Variants in EEF2K observed in about 807,000 individuals in gnomAD.
The protein encoded by EEF2K is alternative protein EEF2K.
In EEF2K, 70 loss-of-function variants were observed where a neutral mutation model predicts 93.8. That is an observed-to-expected ratio of 0.75 (90% CI 0.62 to 0.91). EEF2K has a LOEUF of 0.91. EEF2K is among the 40% of genes least tolerant of loss of function. The probability of loss-of-function intolerance (pLI) is 0.00; values close to 1 mark genes in which losing one functional copy is unlikely to be tolerated. For missense variants in EEF2K, 935 were observed against 972.9 expected, an observed-to-expected ratio of 0.96 and a Z score of 0.52; for synonymous variants, 376 against 380.8, an observed-to-expected ratio of 0.99 and a Z score of 0.15.
At chr16:22,278,444 A>C (rs908431944) in intron 16 of EEF2K, among the ~76,000 whole-genome samples, 7 of 152,140 alleles carry the variant, frequency 4.6e-5, no homozygotes, top group Admixed American at 1.3e-4. Context: ...TGGAGGAAGA[A>C]TCTTCCAAGG....
In EEF2K at chr16:22,284,728, G is replaced by C. The variant is rs1304322967; in HGVS notation, c.*732G>C. On this transcript the variant is annotated 3_prime_UTR_variant, in exon 18 of 18. Coordinates refer to ENST00000263026, the MANE Select transcript of EEF2K (RefSeq NM_013302.5). ...TGAAATGTCGGGCCCATGGAGCCCT[G>C]TGTTTTGTGCATCGGGATGAGAAAT... 6.6e-6 allele frequency: 1 copy of C among 151,702 alleles called. No homozygotes were observed. Among genetic ancestry groups the C allele is most frequent in the East Asian group, 1.9e-4 (1 of 5,162 alleles). 9.4% of individuals were successfully genotyped at this position (151,702 alleles called of 1,614,324 possible).
At chr16:22,274,450 A>C (rs1467330477) in intron 16 of EEF2K, among the ~76,000 whole-genome samples, 1 of 151,948 alleles carries the variant, frequency 6.6e-6, no homozygotes, top group East Asian at 1.9e-4. Flanking sequence ...TCTCAAAAAA[A>C]AAAAAAAAAA....
rs776696583 is a variant in EEF2K at position 22,248,841 on chromosome 16, G to A, written c.408+26G>A. The A allele has an allele frequency of 4.3e-6, 7 of 1,611,408 alleles. No homozygotes were observed. The African/African-American group carries it at 5.3e-5, about 12-fold the overall frequency. ...GTGAGCAGAGCGTTGAGCCCCGTGGGGACAGGGCTGAGCAAAGACTTTCTG... is the reference window on the plus strand; with the variant it reads ...GTGAGCAGAGCGTTGAGCCCCGTGGAGACAGGGCTGAGCAAAGACTTTCTG... On this transcript the variant is annotated intron_variant, in intron 4 of 17. Transcript: ENST00000263026.
At chr16:22,213,600 C>T (rs930819735) in intron 1 of EEF2K, among the ~76,000 whole-genome samples, 2 of 152,214 alleles carry the variant, frequency 1.3e-5, no homozygotes, top group Non-Finnish European at 2.9e-5. Context: ...TTTAAAACAA[C>T]ACATTTATTA....
chr16:22,255,327 T>G (rs1464861043), intron 6 of EEF2K, among the ~76,000 whole-genome samples: 1 of 152,182 alleles, frequency 6.6e-6, no homozygotes, highest in East Asian at 1.9e-4. Context: ...GTGGGTGGCT[T>G]GGGGTAGGCT....
At chr16:22,229,184 C>T (rs1220163558) in intron 2 of EEF2K, among the ~76,000 whole-genome samples, 3 of 152,006 alleles carry the variant, frequency 2.0e-5, no homozygotes, top group Non-Finnish European at 2.9e-5. Flanking sequence ...GGAAGGTTTC[C>T]GTCTCAAGTG....
In EEF2K at chr16:22,209,569, C is replaced by T. The variant is rs140774108; in HGVS notation, c.-77+2890C>T. ...ATCAGGGCTATAGACAAAGTAATAG[C>T]GGCAGGTTGAACTAATTTAAAAGAA... On this transcript the variant is annotated intron_variant, in intron 1 of 17. Coordinates refer to ENST00000263026, the MANE Select transcript of EEF2K (RefSeq NM_013302.5). 1.7e-3 allele frequency among the ~76,000 whole-genome samples: 259 copies of T among 152,276 alleles called. 1 individual carries two copies. The highest frequency in any genetic ancestry group is 5.8e-3 in the African/African-American group (241 of 41,550).
chr16:22,246,184 CACTT>C (rs754598455), intron 3 of EEF2K, among the ~76,000 whole-genome samples: 1 of 152,118 alleles, frequency 6.6e-6, no homozygotes, highest in African/African-American at 2.4e-5. Context: ...CTCAGGGAAA[CACTT>C]ACTCATATTT....
At chr16:22,260,369 G>C (rs1041078609) in intron 10 of EEF2K, 93 bp from the exon 11 acceptor site, 26 of 1,192,242 alleles carry the variant, frequency 2.2e-5, no homozygotes, top group Non-Finnish European at 3.1e-5. Context: ...AAAAAGGCTT[G>C]GTGGCAGGTA....
At chr16:22,283,623 G>C (rs1478371117) in intron 17 of EEF2K, among the ~76,000 whole-genome samples, 1 of 152,096 alleles carries the variant, frequency 6.6e-6, no homozygotes, top group African/African-American at 2.4e-5. Flanking sequence ...TGTTTAGATG[G>C]CTTACTCTGA....
At chr16:22,209,786 G>A (rs929547398) in intron 1 of EEF2K, among the ~76,000 whole-genome samples, 2 of 152,160 alleles carry the variant, frequency 1.3e-5, no homozygotes, top group African/African-American at 2.4e-5. Context: ...CACAAGCAAG[G>A]AGGCTTCTTT....
Position 22,284,658 on chromosome 16 carries a change from A to G in EEF2K, c.*662A>G, listed in dbSNP as rs751842410. The G allele has an allele frequency of 6.6e-6, 1 of 150,918 alleles. No individual in the cohort carries two copies. The highest frequency in any genetic ancestry group is 6.6e-5 in the Admixed American group (1 of 15,130). The allele number at this position is 150,918 out of a possible 1,614,324, so 9.3% of individuals were successfully genotyped here. On this transcript the variant is annotated 3_prime_UTR_variant, in exon 18 of 18. Coordinates refer to ENST00000263026, the MANE Select transcript of EEF2K (RefSeq NM_013302.5). ...TATAAGAAAGTGCTTTTTGCCTTGA[A>G]TGGACAATTTTAGGGCTGTGCTCAC...
chr16:22,237,026 C>A (rs1034120243), intron 2 of EEF2K, among the ~76,000 whole-genome samples: 1 of 143,982 alleles, frequency 6.9e-6, no homozygotes, highest in Admixed American at 7.1e-5. Context: ...CTCATTGCAA[C>A]CTCCACCTCC....
chr16:22,262,001 C>CCAAACACACACA (rs536921866), intron 11 of EEF2K, among the ~76,000 whole-genome samples: 256 of 138,110 alleles, frequency 1.9e-3, no homozygotes, highest in African/African-American at 6.3e-3. Context: ...TGAGACCCTG[C>CCAAACACACACA]CACACACACA....
chr16:22,265,265 C>G (rs1827148134), intron 13 of EEF2K: 1 of 183,630 alleles, frequency 5.4e-6, no homozygotes, highest in Non-Finnish European at 1.2e-5. Flanking sequence ...TCTTAAGCAA[C>G]TTTCCCCAGG....
At chr16:22,279,183 T>C (rs772465542) in intron 16 of EEF2K, among the ~76,000 whole-genome samples, 1 of 151,540 alleles carries the variant, frequency 6.6e-6, no homozygotes, top group Non-Finnish European at 1.5e-5. Flanking sequence ...CTTTCATCTA[T>C]GGGAAAATTG....
intron 6 of EEF2K, 130 bp from the exon 7 acceptor site, chr16:22,256,618 A>G (rs1437608808): frequency 3.0e-5 from 31 of 1,028,892 alleles, no homozygotes; most frequent in Non-Finnish European, 3.8e-5. Context: ...CTCCTACAAT[A>G]GAGAGCTAGT....
intron 2 of EEF2K, among the ~76,000 whole-genome samples, chr16:22,234,581 T>G (rs1022702785): frequency 4.0e-5 from 6 of 151,896 alleles, no homozygotes; most frequent in African/African-American, 1.5e-4. Context: ...GGAAATATAA[T>G]TCACATGCCA....
intron 16 of EEF2K, among the ~76,000 whole-genome samples, chr16:22,279,330 TG>T (rs991245634): frequency 1.3e-5 from 2 of 151,548 alleles, no homozygotes; most frequent in Non-Finnish European, 2.9e-5. Context: ...CTCTAACTCC[TG>T]GGCTCAAGCT....
Sources: allele counts gnomAD v4.1 joint callset (sites outside exome capture counted in the v4.1 genomes callset), GRCh38; gene constraint gnomAD v4.1.1; transcripts MANE v1.5; gene names NCBI Gene and HGNC (gene_info 2026-07-23, HGNC 2026-07-21).